Variants in ASB3 observed in about 807,000 individuals in gnomAD.
ASB3 encodes the protein ankyrin repeat and SOCS box protein 3.
Under a neutral mutation model 54.5 loss-of-function variants are expected in ASB3, and 41 were observed. The observed-to-expected ratio is 0.75, with a 90% confidence interval of 0.59 to 0.98. ASB3 has a LOEUF of 0.98. Ranked by LOEUF, ASB3 falls within the 50% of genes least tolerant of loss-of-function variation. The pLI is 0.00. For synonymous variants in ASB3, 266 were observed against 221.2 expected, an observed-to-expected ratio of 1.20 and a Z score of -1.80; for missense variants, 733 against 620.0, an observed-to-expected ratio of 1.18 and a Z score of -1.94.
At chr2:53,784,061 T>G (rs766215053) in intron 1 of ASB3, among the ~76,000 whole-genome samples, 1 of 152,270 alleles carries the variant, frequency 6.6e-6, no homozygotes, top group Non-Finnish European at 1.5e-5. Flanking sequence ...ATGGTGCCAT[T>G]ATTAGGAAGC....
At chr2:53,763,088 T>C (rs185581028) in intron 2 of ASB3, among the ~76,000 whole-genome samples, 4 of 152,224 alleles carry the variant, frequency 2.6e-5, no homozygotes, top group Admixed American at 6.5e-5. Context: ...AGGAAAATTA[T>C]ATAATAAAAG....
intron 4 of ASB3, 128 bp downstream of exon 4, chr2:53,729,330 C>T (rs538249714): frequency 1.2e-6 from 1 of 822,790 alleles, no homozygotes; most frequent in South Asian, 2.0e-5. Context: ...TTTAGACTGC[C>T]TTTTCTGTAC....
intron 1 of ASB3, among the ~76,000 whole-genome samples, chr2:53,775,691 G>T (rs190673948): frequency 2.0e-5 from 3 of 152,256 alleles, no homozygotes; most frequent in Non-Finnish European, 4.4e-5. Context: ...GGCCAAGCTG[G>T]TCTCGATCTC....
chr2:53,683,002 C>T (rs1244205749), intron 9 of ASB3, among the ~76,000 whole-genome samples: 1 of 152,162 alleles, frequency 6.6e-6, no homozygotes, highest in African/African-American at 2.4e-5. Context: ...ACTAGGACTT[C>T]CACTACTGTG....
At chr2:53,767,861 C>A in intron 1 of ASB3, 2 of 1,590,898 alleles carry the variant, frequency 1.3e-6, no homozygotes, top group Non-Finnish European at 1.7e-6. Flanking sequence ...GGTTCACGGC[C>A]ACTGGGGCAG....
chr2:53,760,011 A>C (rs895968301), intron 2 of ASB3, among the ~76,000 whole-genome samples: 2 of 152,182 alleles, frequency 1.3e-5, no homozygotes, highest in Non-Finnish European at 1.5e-5. Flanking sequence ...CAGATCTGTC[A>C]CTATCTGAGG....
chr2:53,709,713 G>A (rs1443043011), intron 7 of ASB3, among the ~76,000 whole-genome samples: 2 of 152,128 alleles, frequency 1.3e-5, no homozygotes, highest in African/African-American at 2.4e-5. Flanking sequence ...CAATTTCAGA[G>A]ATAATGTGTG....
Position 53,700,563 on chromosome 2 carries a change from A to G in ASB3, c.981-35T>C, listed in dbSNP as rs762944020. 5 of 1,570,784 alleles carry G rather than the reference A, an allele frequency of 3.2e-6. No individual in the cohort carries two copies. The South Asian group carries it at 6.1e-5, about 19-fold the overall frequency. ...AAAAAATAAAAACAAAAAAAGAAGA[A>G]GTTAGACTTTGACATAAGATACTTC... is the stretch of plus-strand genomic sequence containing the variant. On this transcript the variant is annotated intron_variant, in intron 7 of 9. Coordinates refer to ENST00000263634, the MANE Select transcript of ASB3 (RefSeq NM_016115.5).
chr2:53,762,438 T>A (rs1355116449), intron 2 of ASB3, among the ~76,000 whole-genome samples: 3 of 152,236 alleles, frequency 2.0e-5, no homozygotes, highest in Non-Finnish European at 2.9e-5. Flanking sequence ...TAACTCTTAA[T>A]CGCTGTGCTA....
chr2:53,720,178 C>T (rs1287832581), intron 5 of ASB3, among the ~76,000 whole-genome samples: 1 of 151,374 alleles, frequency 6.6e-6, no homozygotes, highest in Non-Finnish European at 1.5e-5. Flanking sequence ...TCCTACCTAC[C>T]TATGACCTGG....
At chr2:53,683,625 G>A (rs1161099484) in intron 9 of ASB3, among the ~76,000 whole-genome samples, 1 of 151,756 alleles carries the variant, frequency 6.6e-6, no homozygotes, top group Non-Finnish European at 1.5e-5. Flanking sequence ...TTTTTGCTGG[G>A]AAATTTTTAT....
At chr2:53,693,032 A>T (rs541787617) in intron 9 of ASB3, among the ~76,000 whole-genome samples, 1 of 152,322 alleles carries the variant, frequency 6.6e-6, no homozygotes, top group South Asian at 2.1e-4. Context: ...AATTTTCCAA[A>T]AATTAGAAGA....
At chr2:53,716,383 G>A (rs1407555952) in intron 6 of ASB3, among the ~76,000 whole-genome samples, 183 bp downstream of exon 6, 1 of 152,098 alleles carries the variant, frequency 6.6e-6, no homozygotes, top group Non-Finnish European at 1.5e-5. Context: ...ATATGAAAGT[G>A]CAGGAATAGT....
intron 2 of ASB3, among the ~76,000 whole-genome samples, chr2:53,754,259 C>T (rs1358690261): frequency 2.0e-5 from 3 of 152,008 alleles, no homozygotes; most frequent in Admixed American, 6.6e-5. Context: ...TATAAATTAA[C>T]GGGAGAGAAG....
intron 7 of ASB3, among the ~76,000 whole-genome samples, chr2:53,708,804 G>C (rs746875635): frequency 4.6e-5 from 7 of 152,236 alleles, no homozygotes; most frequent in Non-Finnish European, 7.3e-5. Context: ...GAACTTGAGA[G>C]TGATGATTTA....
intron 7 of ASB3, 135 bp from the exon 8 acceptor site, chr2:53,700,663 T>A: frequency 7.9e-7 from 1 of 1,266,048 alleles, no homozygotes; most frequent in Non-Finnish European, 1.1e-6. Context: ...TCTACACATC[T>A]AGTGGATTGA....
In ASB3 at chr2:53,707,753, C is replaced by T. The variant is rs749524838; in HGVS notation, c.980+6631G>A. Among the ~76,000 whole-genome samples, 16 of 151,178 alleles carry T rather than the reference C, an allele frequency of 1.1e-4. 1 individual carries two copies. Among genetic ancestry groups the T allele is most frequent in the Admixed American group, 3.9e-4 (6 of 15,214 alleles). On this transcript the variant is annotated intron_variant, in intron 7 of 9. Transcript: ENST00000263634. Reference sequence around the variant, plus strand: ...AAGGGGGGCAGATCACTTGAGCTTACGAGTTATAGACCAGCTTGGCCAACA... The same window carrying T: ...AAGGGGGGCAGATCACTTGAGCTTATGAGTTATAGACCAGCTTGGCCAACA...
chr2:53,785,252 A>G (rs1358120703), intron 1 of ASB3, among the ~76,000 whole-genome samples: 2 of 152,180 alleles, frequency 1.3e-5, no homozygotes, highest in African/African-American at 2.4e-5. Context: ...CCAATACTAG[A>G]AATTATTTTA....
intron 7 of ASB3, among the ~76,000 whole-genome samples, chr2:53,706,495 G>C (rs922094487): frequency 6.6e-6 from 1 of 151,996 alleles, no homozygotes; most frequent in African/African-American, 2.4e-5. Flanking sequence ...GGATGGAGTG[G>C]AGTGCAGTGG....
Sources: allele counts gnomAD v4.1 joint callset (sites outside exome capture counted in the v4.1 genomes callset), GRCh38; gene constraint gnomAD v4.1.1; transcripts MANE v1.5; gene names NCBI Gene and HGNC (gene_info 2026-07-23, HGNC 2026-07-21).